Variants in RPS6KC1 observed in about 807,000 individuals in gnomAD.
The protein encoded by RPS6KC1 is inactive ribosomal protein S6 kinase delta-1.
Under a neutral mutation model 103.8 loss-of-function variants are expected in RPS6KC1, and 54 were observed. The ratio of observed to expected loss-of-function variants is 0.52; its 90% confidence interval spans 0.42 to 0.65. RPS6KC1 has a LOEUF of 0.65. Ranked by LOEUF, RPS6KC1 falls within the 30% of genes least tolerant of loss-of-function variation. RPS6KC1 has a pLI of 0.00. For missense variants in RPS6KC1, 1,151 were observed against 1,253.8 expected (o/e 0.92, Z 1.24); for synonymous variants, 439 against 438.7 (o/e 1.00, Z -0.01).
At chr1:213,277,727 C>G (rs746352253), downstream of RPS6KC1, among the ~76,000 whole-genome samples, 1 of 152,216 alleles carries the variant, frequency 6.6e-6, no homozygotes, top group Non-Finnish European at 1.5e-5. Flanking sequence ...GTAGTTAAGG[C>G]AGAGGCCATG....
chr1:213,399,235 G>T, the RPS6KC1 span, among the ~76,000 whole-genome samples: 2 of 152,152 alleles, frequency 1.3e-5, no homozygotes, highest in Non-Finnish European at 2.9e-5. Context: ...GTTCTACTTA[G>T]CAGGGAAACA....
At chr1:213,203,712 A>G (rs764226880) in intron 8 of RPS6KC1, among the ~76,000 whole-genome samples, 72 of 152,312 alleles carry the variant, frequency 4.7e-4, no homozygotes, top group Middle Eastern at 3.4e-3. Flanking sequence ...TAATTCACCT[A>G]TAACCCTGCT....
chr1:213,483,362 G>A, the RPS6KC1 span, among the ~76,000 whole-genome samples: 1 of 152,066 alleles, frequency 6.6e-6, no homozygotes, highest in Admixed American at 6.6e-5. Flanking sequence ...AACACAATAC[G>A]GCTGAGTATT....
At chr1:213,271,784 T>A (rs796671279) in intron 14 of RPS6KC1, among the ~76,000 whole-genome samples, 1,172 of 93,508 alleles carry the variant, frequency 0.013, 31 homozygotes, top group African/African-American at 0.011. Flanking sequence ...AAAAAAAAAA[T>A]GTTCTAAAAC....
intron 8 of RPS6KC1, among the ~76,000 whole-genome samples, chr1:213,216,140 A>G (rs6419470): frequency 0.73 from 111,219 of 151,996 alleles, 41,589 homozygotes; most frequent in African/African-American, 0.88. Context: ...CCCATCTCAC[A>G]TGCAGAGACA....
chr1:213,447,755 T>C, the RPS6KC1 span, among the ~76,000 whole-genome samples: 5 of 152,182 alleles, frequency 3.3e-5, no homozygotes, highest in Non-Finnish European at 7.3e-5. Context: ...TGTTCCTGGG[T>C]GGTTTATAAC....
chr1:213,587,081 C>G, the RPS6KC1 span, among the ~76,000 whole-genome samples: 3 of 152,310 alleles, frequency 2.0e-5, no homozygotes, highest in African/African-American at 7.2e-5. Context: ...GCACCTTTCA[C>G]CCATGATCTG....
chr1:213,609,769 C>A, the RPS6KC1 span, among the ~76,000 whole-genome samples: 1 of 136,662 alleles, frequency 7.3e-6, no homozygotes, highest in African/African-American at 2.6e-5. Flanking sequence ...CGGGTTTTTG[C>A]CATTACTTTC....
At chr1:213,225,150 T>A (rs887263616) in intron 8 of RPS6KC1, among the ~76,000 whole-genome samples, 1 of 152,208 alleles carries the variant, frequency 6.6e-6, no homozygotes, top group African/African-American at 2.4e-5. Context: ...TGGGTCTAAT[T>A]ATATTATCAC....
chr1:213,642,188 T>C, the RPS6KC1 span, among the ~76,000 whole-genome samples: 1 of 152,096 alleles, frequency 6.6e-6, no homozygotes, highest in East Asian at 1.9e-4. Flanking sequence ...AGGACAAAAA[T>C]TGATGAACTT....
intron 8 of RPS6KC1, among the ~76,000 whole-genome samples, chr1:213,184,819 AT>A: frequency 6.6e-6 from 1 of 151,954 alleles, no homozygotes; most frequent in South Asian, 2.1e-4. Flanking sequence ...CTTGTTATTG[AT>A]TTTGTGTTTT....
At chr1:213,179,172 T>A (rs1347880145) in intron 8 of RPS6KC1, among the ~76,000 whole-genome samples, 3 of 151,934 alleles carry the variant, frequency 2.0e-5, no homozygotes, top group African/African-American at 7.2e-5. Flanking sequence ...CCCAGCACTT[T>A]GGGAGGCCGA....
At chr1:213,093,391 G>T (rs1226450345) in intron 3 of RPS6KC1, among the ~76,000 whole-genome samples, 1 of 151,682 alleles carries the variant, frequency 6.6e-6, no homozygotes, top group African/African-American at 2.4e-5. Context: ...TTGTAGTTTA[G>T]TAGAGATGGG....
At chr1:213,709,294 C>G in the RPS6KC1 span, among the ~76,000 whole-genome samples, 1 of 152,034 alleles carries the variant, frequency 6.6e-6, no homozygotes, top group East Asian at 1.9e-4. Context: ...TGTATGTGTC[C>G]AGGAATTTAT....
the RPS6KC1 span, among the ~76,000 whole-genome samples, chr1:213,814,308 G>T: frequency 6.6e-6 from 1 of 152,324 alleles, no homozygotes; most frequent in African/African-American, 2.4e-5. Flanking sequence ...AATGACCAAC[G>T]GGAGCAGTAA....
intron 8 of RPS6KC1, among the ~76,000 whole-genome samples, chr1:213,206,404 G>A (rs1447097210): frequency 2.6e-5 from 4 of 152,148 alleles, no homozygotes; most frequent in Non-Finnish European, 5.9e-5. Context: ...GCTGCCCTGG[G>A]GCAGGCACTG....
intron 1 of RPS6KC1, among the ~76,000 whole-genome samples, chr1:213,064,668 T>C (rs914538136): frequency 2.1e-5 from 3 of 141,726 alleles, no homozygotes; most frequent in African/African-American, 8.1e-5. Flanking sequence ...GCGCCTGGCC[T>C]TTGTGAACTT....
intron 2 of RPS6KC1, among the ~76,000 whole-genome samples, chr1:213,075,220 A>C (rs1448712796): frequency 2.0e-5 from 3 of 152,134 alleles, no homozygotes; most frequent in Non-Finnish European, 2.9e-5. Flanking sequence ...ACTCATGTCC[A>C]GGTCATAATG....
the RPS6KC1 span, among the ~76,000 whole-genome samples, chr1:213,580,224 A>G: frequency 6.6e-6 from 1 of 152,080 alleles, no homozygotes; most frequent in Non-Finnish European, 1.5e-5. Flanking sequence ...GTTGATTCCA[A>G]CACTCACGAT....
Sources: allele counts gnomAD v4.1 joint callset (sites outside exome capture counted in the v4.1 genomes callset), GRCh38; gene constraint gnomAD v4.1.1; transcripts MANE v1.5; gene names NCBI Gene and HGNC (gene_info 2026-07-23, HGNC 2026-07-21).